The following NAV1 variants were observed in gnomAD, a reference collection of about 807,000 sequenced individuals.
The protein encoded by NAV1 is pore membrane and/or filament interacting like protein 3.
Under a neutral mutation model 175.2 loss-of-function variants are expected in NAV1, and 18 were observed. The ratio of observed to expected loss-of-function variants is 0.10; its 90% CI spans 0.07 to 0.15. NAV1 has a LOEUF of 0.15. NAV1 is among the 10% of genes least tolerant of loss of function. The pLI is 1.00. For missense variants in NAV1, 1,731 were observed against 2,436.6 expected, an observed-to-expected ratio of 0.71 and a Z score of 6.10; for synonymous variants, 897 against 978.7, an observed-to-expected ratio of 0.92 and a Z score of 1.56.
intron 2 of NAV1, 60 bp downstream of exon 6, chr1:201,712,979 T>C: frequency 7.4e-7 from 1 of 1,356,818 alleles, no homozygotes; most frequent in Non-Finnish European, 1.1e-6. Context: ...CACCCCATTC[T>C]GGAGGGCAGG....
chr1:201,547,148 G>C lies in NAV1; in HGVS notation c.-144+7806G>C, dbSNP rs376061735. On this transcript the variant is annotated intron_variant, in intron 1 of 33. Transcript: ENST00000685211. ...ATTACAGGCACGCGCCACCATGCCC[G>C]GCTAATTTTTTTGTAATTTTAGTAG... Among the ~76,000 whole-genome samples, 4 of 151,666 alleles carry C rather than the reference G, an allele frequency of 2.6e-5. No individual in the cohort carries two copies. In the East Asian group the frequency reaches 7.9e-4, roughly 30 times the overall value.
chr1:201,547,148 G>A (rs376061735), intron 1 of NAV1, among the ~76,000 whole-genome samples: 23 of 151,784 alleles, frequency 1.5e-4, no homozygotes, highest in African/African-American at 4.6e-4. Context: ...CACCATGCCC[G>A]GCTAATTTTT....
chr1:201,560,188 C>A (rs576229901), intron 1 of NAV1, among the ~76,000 whole-genome samples: 72 of 152,304 alleles, frequency 4.7e-4, no homozygotes, highest in African/African-American at 1.7e-3. Flanking sequence ...TCAACAAAAA[C>A]CAAGATTCTT....
chr1:201,562,171 ATTTTT>A (rs566214709), intron 1 of NAV1, among the ~76,000 whole-genome samples: 1 of 127,272 alleles, frequency 7.9e-6, no homozygotes. Flanking sequence ...TGCCTGGCTA[ATTTTT>A]TTTTTTTTTT....
chr1:201,741,572 T>G (rs549667376), intron 3 of NAV1, among the ~76,000 whole-genome samples: 17 of 152,304 alleles, frequency 1.1e-4, no homozygotes, highest in Admixed American at 9.1e-4. Context: ...AGAGCCTACT[T>G]CAGATCCACA....
In NAV1 at chr1:201,718,635, T is replaced by A; in HGVS notation, c.1106T>A (p.Ile369Asn). The A allele has an allele frequency of 6.2e-7, 1 of 1,613,906 alleles. No homozygotes were observed. The highest frequency in any genetic ancestry group is 8.5e-7 in the Non-Finnish European group (1 of 1,179,980). Residue 369 changes from isoleucine to asparagine, a missense_variant, in exon 3 of 30, where the codon ATC (isoleucine) becomes AAC (asparagine). Physicochemically the swap from Ile to Asn is moderately radical, Grantham distance 149. This residue lies in a region of NAV1 where 487 missense variants were observed against 581.3 expected (regional missense o/e 0.84). Transcript: ENST00000367296. This position sits in a 1 kb window ranked among gnomAD's most constrained non-coding sequence, Gnocchi z 4.8. ...CGCAGCCCCAGCAAGCTCAGCCATA[T>A]CTCCCGCCTGGAGCTGGTCGAATCC...
chr1:201,813,217 A>G lies in NAV1; in HGVS notation c.5299A>G (p.Ile1767Val), dbSNP rs757889787. ...GTTCATTGACCTGTGGAACAACTCTATCATTCCCTATCTACAGGAAGGAGC... is the reference window on the plus strand; with the variant it reads ...GTTCATTGACCTGTGGAACAACTCTGTCATTCCCTATCTACAGGAAGGAGC... Residue 1767 changes from isoleucine to valine, a missense_variant, in exon 28 of 30, where the codon ATC (isoleucine) becomes GTC (valine). Ile to Val is a conservative substitution (Grantham distance 29). Coordinates refer to ENST00000367296, the Ensembl canonical transcript of NAV1. The surrounding 1 kb of genome is among the most constrained non-coding windows in gnomAD (Gnocchi z 4.2). The G allele has an allele frequency of 1.2e-5, 19 of 1,613,906 alleles. No homozygotes were observed. The highest frequency in any genetic ancestry group is 1.1e-4 in the South Asian group (10 of 91,086).
intron 1 of NAV1, among the ~76,000 whole-genome samples, chr1:201,586,744 G>A (rs1186589096): frequency 6.6e-6 from 1 of 152,066 alleles, no homozygotes; most frequent in Non-Finnish European, 1.5e-5. Flanking sequence ...TATTGAATTA[G>A]GGCCCCACTG....
At chr1:201,780,481 A>C (rs76170109) in exon 4 of NAV1, 1 of 1,614,238 alleles carries the variant, frequency 6.2e-7, no homozygotes, top group Non-Finnish European at 8.5e-7. Flanking sequence ...ATCTCAGTTC[A>C]GAAGAATTCA....
Position 201,808,045 on chromosome 1 carries a change from C to T in NAV1, c.3741C>T (p.Asp1247=), listed in dbSNP as rs1481176471. The change falls in exon 18 of 30, where the codon GAC becomes GAT. Residue 1247 remains aspartate (D), a synonymous_variant. Coordinates refer to ENST00000367296, the Ensembl canonical transcript of NAV1. This position sits in a 1 kb window ranked among gnomAD's most constrained non-coding sequence, Gnocchi z 5.5. Reference sequence around the variant, plus strand: ...ATATAGAGGAGATTGCTACACCCGACTCTTCAGCCCCCTCATCCCCCAAAC... The same window carrying T: ...ATATAGAGGAGATTGCTACACCCGATTCTTCAGCCCCCTCATCCCCCAAAC... The T allele has an allele frequency of 6.2e-7, 1 of 1,614,222 alleles. No homozygotes were observed. The highest frequency in any genetic ancestry group is 8.5e-7 in the Non-Finnish European group (1 of 1,180,048).
intron 3 of NAV1, among the ~76,000 whole-genome samples, chr1:201,734,635 A>G (rs1362699499): frequency 6.6e-6 from 1 of 152,080 alleles, no homozygotes; most frequent in Non-Finnish European, 1.5e-5. Context: ...GTGCAGTGGC[A>G]TGGGTGCTTA....
rs1571810051 is a variant in NAV1, at chr1:201,539,216, C to A, written c.-270C>A. Among the ~76,000 whole-genome samples, 1 of 152,294 alleles carries A rather than the reference C, an allele frequency of 6.6e-6. No homozygotes were observed. The highest frequency in any genetic ancestry group is 1.9e-4 in the East Asian group (1 of 5,180). Reference sequence around the variant, plus strand: ...CCAAGCCTGGTGCGAGGGGCCGAGGCGGCCTGGGGAGCCCCGGGAAACTTT... The same window carrying A: ...CCAAGCCTGGTGCGAGGGGCCGAGGAGGCCTGGGGAGCCCCGGGAAACTTT... On this transcript the variant is annotated 5_prime_UTR_variant, in exon 1 of 34. Transcript: ENST00000685211. The surrounding 1 kb of genome is among the most constrained non-coding windows in gnomAD (Gnocchi z 5.6).
chr1:201,804,968 T>C (rs1302794876), intron 17 of NAV1, among the ~76,000 whole-genome samples: 1 of 152,134 alleles, frequency 6.6e-6, no homozygotes, highest in Non-Finnish European at 1.5e-5. Flanking sequence ...TAGAGTAGGA[T>C]GAACCAGAGA....
intron 1 of NAV1, among the ~76,000 whole-genome samples, chr1:201,655,571 C>G (rs1306165419): frequency 6.6e-6 from 1 of 152,198 alleles, no homozygotes; most frequent in East Asian, 1.9e-4. Context: ...GGGACTGGGC[C>G]TCCTGAAGGA....
chr1:201,684,231 G>C (rs1175929009), intron 1 of NAV1, among the ~76,000 whole-genome samples: 1 of 152,104 alleles, frequency 6.6e-6, no homozygotes, highest in Non-Finnish European at 1.5e-5. Context: ...TCCTTTAATG[G>C]GAGGAGGTTT....
At chr1:201,614,457 CG>C (rs892070484) in intron 2 of NAV1, among the ~76,000 whole-genome samples, 1 of 152,188 alleles carries the variant, frequency 6.6e-6, no homozygotes, top group African/African-American at 2.4e-5. Context: ...TTCTCCAGAC[CG>C]GGGAGAGAGG....
chr1:201,768,324 C>T (rs1053708529), intron 3 of NAV1, among the ~76,000 whole-genome samples: 3 of 94,142 alleles, frequency 3.2e-5, no homozygotes, highest in African/African-American at 9.0e-5. Context: ...AGTGAAACTC[C>T]GTCTCAGAGA....
At chr1:201,603,628 C>T (rs550245052) in intron 2 of NAV1, among the ~76,000 whole-genome samples, 1 of 152,288 alleles carries the variant, frequency 6.6e-6, no homozygotes, top group South Asian at 2.1e-4. Flanking sequence ...CTGAACCCTT[C>T]CCTTCCTTGA....
chr1:201,548,613 AAG>A (rs1665736009), intron 1 of NAV1, among the ~76,000 whole-genome samples: 1 of 152,208 alleles, frequency 6.6e-6, no homozygotes, highest in African/African-American at 2.4e-5. Flanking sequence ...TTGACTGAAG[AAG>A]AGAGGTAGAA....
Sources: gnomAD v4.1 joint callset for allele counts (sites outside exome capture counted in the v4.1 genomes callset) on GRCh38, gnomAD v4.1.1 for gene constraint, gnomAD v4.1.1 regional missense constraint, Gnocchi (gnomAD v3.1) non-coding constraint, MANE v1.5 for transcripts, NCBI Gene and HGNC (gene_info 2026-07-23, HGNC 2026-07-21) for gene names.